KALRN: variants seen among roughly 807,000 people sequenced by gnomAD.
KALRN encodes kalirin.
KALRN carries 70 observed loss-of-function variants against 353.7 expected under a neutral mutation model. The ratio of observed to expected loss-of-function variants is 0.20; its 90% CI spans 0.16 to 0.24. The LOEUF (loss-of-function observed/expected upper bound fraction) is 0.24, where lower values mean the gene tolerates loss of function less well. Among genes scored for constraint, KALRN ranks in the 10% least tolerant of loss-of-function variants. KALRN has a pLI of 1.00. For synonymous variants in KALRN, 1,391 were observed against 1,434.8 expected, an observed-to-expected ratio of 0.97 and a Z score of 0.69; for missense variants, 2,791 against 3,756.7, an observed-to-expected ratio of 0.74 and a Z score of 6.72.
At position 124,264,482 on chromosome 3, in the gene KALRN, T is replaced by C. The variant is rs770283047; in HGVS notation, c.264-16T>C. 1.1e-4 allele frequency: 178 copies of C among 1,611,888 alleles called. No individual in the cohort carries two copies. Among genetic ancestry groups the C allele is most frequent in the Non-Finnish European group, 1.4e-4 (163 of 1,178,838 alleles). On this transcript the variant is annotated splice_polypyrimidine_tract_variant and intron_variant, in intron 3 of 59. Transcript: ENST00000682506. ...GCTACCCAGAGTGACCATACCGACC[T>C]CTGACCTCCCCACAGTGAGGACGTG...
At chr3:124,167,310 G>A (rs1316716443) in intron 1 of KALRN, among the ~76,000 whole-genome samples, 1 of 152,130 alleles carries the variant, frequency 6.6e-6, no homozygotes, top group Non-Finnish European at 1.5e-5. Context: ...CCCTAGCTTC[G>A]CTCTTACCCT....
At chr3:124,412,997 T>C (rs3887233) in intron 13 of KALRN, among the ~76,000 whole-genome samples, 70,604 of 151,468 alleles carry the variant, frequency 0.47, 16,782 homozygotes, top group African/African-American at 0.54. Flanking sequence ...TCTTTAGTTA[T>C]GAAAATTGTA....
chr3:124,462,599 G>A lies in KALRN; in HGVS notation c.3997G>A (p.Gly1333Ser). The change falls in exon 25 of 60, where the codon GGC (glycine) becomes AGC (serine). Residue 1333 changes from glycine (G) to serine (S), a missense_variant. Transcript: ENST00000682506. ...CCTCAATAAAGAGCATATCATCTTT[G>A]GCAACATCCAAGAGATCTACGATTT... ...GILNKEHIIF[G>S]NIQEIYDFHN... 6.2e-7 allele frequency: 1 copy of A among 1,611,280 alleles called. No homozygotes were observed. Among genetic ancestry groups the A allele is most frequent in the East Asian group, 2.2e-5 (1 of 44,852 alleles).
intron 34 of KALRN, among the ~76,000 whole-genome samples, chr3:124,605,586 AAGAG>A (rs1161536035): frequency 3.5e-5 from 5 of 142,336 alleles, no homozygotes; most frequent in Non-Finnish European, 6.0e-5. Context: ...AAAAAAAAAA[AAGAG>A]AGAGAGAGAA....
Position 124,325,846 on chromosome 3 carries a change from A to G in KALRN, c.1093-134A>G, listed in dbSNP as rs1414212404. ...TTTCCCTTGGGCCAAAAACAAATAC[A>G]CTAGTATGGACTGTACCAGCGTCTC... On this transcript the variant is annotated intron_variant, in intron 6 of 59. Transcript: ENST00000682506. 2.1e-5 allele frequency: 12 copies of G among 577,038 alleles called. No individual in the cohort carries two copies. The East Asian group carries it at 3.3e-4, about 16-fold the overall frequency. The allele number at this position is 577,038 out of a possible 1,614,324, so 35.7% of individuals were successfully genotyped here. A position where few individuals can be genotyped will look rare whatever the true frequency, so the allele number is the denominator to read the frequency against.
intron 52 of KALRN, 101 bp downstream of exon 52, chr3:124,693,932 T>A (rs1384093130): frequency 7.6e-6 from 6 of 793,834 alleles, no homozygotes; most frequent in Non-Finnish European, 8.2e-6. Context: ...GTGATATAGT[T>A]CTGTATCAAT....
At chr3:124,051,924 G>T (rs1052372248) in intron 1 of KALRN, among the ~76,000 whole-genome samples, 1 of 152,194 alleles carries the variant, frequency 6.6e-6, no homozygotes, top group Non-Finnish European at 1.5e-5. Context: ...TGTTACTGCC[G>T]AGCTTGGGCA....
intron 33 of KALRN, among the ~76,000 whole-genome samples, chr3:124,553,641 G>C (rs562859005): frequency 6.2e-4 from 94 of 152,294 alleles, no homozygotes; most frequent in African/African-American, 2.2e-3. Context: ...GGTAGCCTTG[G>C]GATTTTCAGA....
At chr3:124,693,862 TG>T (rs1324283007) in intron 52 of KALRN, 31 bp downstream of exon 52, 1 of 1,499,488 alleles carries the variant, frequency 6.7e-7, no homozygotes, top group Admixed American at 1.9e-5. Flanking sequence ...ATTGGAAACA[TG>T]GGGATTGGTT....
intron 57 of KALRN, 46 bp from the exon 58 acceptor site, chr3:124,712,889 T>C (rs1482058083): frequency 7.3e-7 from 1 of 1,360,942 alleles, no homozygotes. Context: ...AAAATATATC[T>C]AGTTAATTAA....
chr3:124,339,775 A>G (rs2081500392), intron 9 of KALRN, among the ~76,000 whole-genome samples: 1 of 152,224 alleles, frequency 6.6e-6, no homozygotes, highest in Non-Finnish European at 1.5e-5. Context: ...CTGAGGGCTG[A>G]GAGGTAGGAA....
intron 14 of KALRN, among the ~76,000 whole-genome samples, chr3:124,419,246 C>G (rs1418277794): frequency 6.6e-6 from 1 of 151,104 alleles, no homozygotes; most frequent in Non-Finnish European, 1.5e-5. Context: ...GTTCCATCAG[C>G]AATCAAAAGT....
intron 32 of KALRN, 114 bp downstream of exon 32, chr3:124,492,996 A>G: frequency 1.7e-6 from 2 of 1,207,490 alleles, no homozygotes; most frequent in Non-Finnish European, 1.2e-6. Flanking sequence ...ACTCTCCAGG[A>G]AGGCCTGTGA....
chr3:124,117,866 C>T (rs1006234030), intron 1 of KALRN, among the ~76,000 whole-genome samples: 26 of 152,176 alleles, frequency 1.7e-4, no homozygotes, highest in African/African-American at 6.3e-4. Flanking sequence ...AGGTACAAAG[C>T]CATTATTAAC....
chr3:124,148,883 A>G (rs984291094), intron 1 of KALRN, among the ~76,000 whole-genome samples: 1 of 152,374 alleles, frequency 6.6e-6, no homozygotes, highest in African/African-American at 2.4e-5. Context: ...ATGTGTTTTA[A>G]AAGCTCACAG....
At chr3:124,379,318 C>T (rs2087002007) in intron 10 of KALRN, among the ~76,000 whole-genome samples, 2 of 152,068 alleles carry the variant, frequency 1.3e-5, no homozygotes, top group Admixed American at 6.6e-5. Flanking sequence ...CTAATCTTAA[C>T]ATCTATTTCA....
At chr3:124,143,109 A>G (rs1157991203) in intron 1 of KALRN, among the ~76,000 whole-genome samples, 1 of 152,118 alleles carries the variant, frequency 6.6e-6, no homozygotes, top group African/African-American at 2.4e-5. Context: ...TTTTATTGGA[A>G]TTCTTGCAGT....
chr3:124,284,198 T>C (rs1028292411), intron 5 of KALRN, among the ~76,000 whole-genome samples: 2 of 152,148 alleles, frequency 1.3e-5, no homozygotes, highest in Non-Finnish European at 2.9e-5. Flanking sequence ...TGCCTGTATA[T>C]CTGGGAGGGT....
At chr3:124,125,156 G>A (rs59166858) in intron 1 of KALRN, among the ~76,000 whole-genome samples, 5,722 of 152,194 alleles carry the variant, frequency 0.038, 378 homozygotes, top group African/African-American at 0.13. Flanking sequence ...TTACAAAAGG[G>A]TTTCACATGG....
Sources: gnomAD v4.1 joint callset for allele counts (sites outside exome capture counted in the v4.1 genomes callset) on GRCh38, gnomAD v4.1.1 for gene constraint, MANE v1.5 for transcripts, NCBI Gene and HGNC (gene_info 2026-07-23, HGNC 2026-07-21) for gene names.